The following PARVA variants were observed in gnomAD, a reference collection of about 807,000 sequenced individuals.
PARVA encodes alpha-parvin.
A neutral mutation model predicts 52.6 loss-of-function variants in PARVA; 25 were observed. The ratio of observed to expected loss-of-function variants is 0.48; its 90% CI spans 0.35 to 0.66. PARVA has a LOEUF of 0.66. Ranked by LOEUF, PARVA falls within the 30% of genes least tolerant of loss-of-function variation. PARVA has a pLI of 0.01. For synonymous variants in PARVA, 185 were observed against 179.1 expected (o/e 1.03, Z -0.26); for missense variants, 373 against 450.9 (o/e 0.83, Z 1.56).
At position 12,533,236 on chromosome 11, in the gene PARVA, C is replaced by T. The variant is rs531136050; in HGVS notation, c.*5311C>T. Among the ~76,000 whole-genome samples the T allele has an allele frequency of 6.0e-5, 9 of 151,102 alleles. No individual in the cohort carries two copies. The East Asian group carries it at 1.2e-3, about 19-fold the overall frequency. On this transcript the variant is annotated 3_prime_UTR_variant, in exon 13 of 13. Transcript: ENST00000334956. ...TGTGTGGAGGGAATGAAATAAGGGG[C>T]CTACCAGGCCAGAACGCTGATCCAT...
intron 4 of PARVA, among the ~76,000 whole-genome samples, chr11:12,482,184 A>G (rs1254607243): frequency 1.3e-5 from 2 of 151,720 alleles, no homozygotes; most frequent in Admixed American, 6.6e-5. Flanking sequence ...AAAAAGAAAA[A>G]AAAAGGACAT....
intron 4 of PARVA, among the ~76,000 whole-genome samples, chr11:12,490,339 C>T (rs1187674877): frequency 6.6e-6 from 1 of 151,730 alleles, no homozygotes; most frequent in Non-Finnish European, 1.5e-5. Flanking sequence ...GCCTGATCAA[C>T]ATGGTGAAAC....
intron 3 of PARVA, among the ~76,000 whole-genome samples, chr11:12,474,266 CTTA>C (rs1940974899): frequency 6.6e-6 from 1 of 152,066 alleles, no homozygotes; most frequent in South Asian, 2.1e-4. Context: ...GCACAAAATG[CTTA>C]TTTTCTCAAG....
intron 1 of PARVA, among the ~76,000 whole-genome samples, chr11:12,449,420 G>C (rs1196907817): frequency 6.6e-6 from 1 of 152,096 alleles, no homozygotes; most frequent in Non-Finnish European, 1.5e-5. Flanking sequence ...CCCTCCCTAA[G>C]TGCTGGGATT....
At chr11:12,519,980 C>T (rs1050375066) in intron 12 of PARVA, among the ~76,000 whole-genome samples, 14 of 152,162 alleles carry the variant, frequency 9.2e-5, no homozygotes, top group African/African-American at 3.1e-4. Flanking sequence ...GAGAAAGTTC[C>T]GACCATCATT....
intron 1 of PARVA, among the ~76,000 whole-genome samples, chr11:12,406,543 C>T (rs750071484): frequency 6.6e-5 from 10 of 151,842 alleles, no homozygotes; most frequent in Non-Finnish European, 1.0e-4. Context: ...AACATTTTCC[C>T]GTAACACCAA....
At chr11:12,410,381 T>C (rs1026572520) in intron 1 of PARVA, among the ~76,000 whole-genome samples, 17 of 152,340 alleles carry the variant, frequency 1.1e-4, no homozygotes, top group African/African-American at 4.1e-4. Flanking sequence ...CGGCAGGGAC[T>C]CCGGGCCAGC....
chr11:12,464,182 CAGTA>C (rs1323107233), intron 1 of PARVA, among the ~76,000 whole-genome samples: 1 of 152,074 alleles, frequency 6.6e-6, no homozygotes, highest in African/African-American at 2.4e-5. Context: ...TCAGTTAACA[CAGTA>C]AGGAAATATA....
intron 1 of PARVA, among the ~76,000 whole-genome samples, chr11:12,458,191 T>A (rs140309169): frequency 6.6e-6 from 1 of 152,362 alleles, no homozygotes; most frequent in African/African-American, 2.4e-5. Flanking sequence ...GCTCCAAAAC[T>A]TCAGCCCCGT....
intron 1 of PARVA, among the ~76,000 whole-genome samples, chr11:12,450,161 A>T (rs1445562305): frequency 6.6e-6 from 1 of 152,242 alleles, no homozygotes; most frequent in African/African-American, 2.4e-5. Flanking sequence ...TAACAGCTGA[A>T]GCTACACATT....
At position 12,498,117 on chromosome 11, in the gene PARVA, T is replaced by C. The variant is rs181287143; in HGVS notation, c.541+1519T>C. On this transcript the variant is annotated intron_variant, in intron 5 of 12. Coordinates refer to ENST00000334956, the MANE Select transcript of PARVA (RefSeq NM_018222.5). ...GGTGCAATCTCAGCTCACTGCAACC[T>C]ACGCCTCCCAGGTTCAAGCGATTCT... 5.3e-3 allele frequency among the ~76,000 whole-genome samples: 804 copies of C among 152,262 alleles called. 11 individuals carry two copies. Among genetic ancestry groups the C allele is most frequent in the African/African-American group, 0.019 (775 of 41,542 alleles).
rs117140098 is a variant in PARVA, at chr11:12,496,340, T to A, written c.401-118T>A. 2,096 of 394,050 alleles carry A rather than the reference T, an allele frequency of 5.3e-3. 21 individuals carry two copies. The highest frequency in any genetic ancestry group is 0.018 in the African/African-American group (810 of 44,714). The allele number at this position is 394,050 out of a possible 1,614,324, so 24.4% of individuals were successfully genotyped here. On this transcript the variant is annotated intron_variant, in intron 4 of 12. Transcript: ENST00000334956. Reference sequence around the variant, plus strand: ...GCTGGTAGGCATCCAGTATCTATTGTTGCAAGAGTGCATGCATGCATGAGT... The same window carrying A: ...GCTGGTAGGCATCCAGTATCTATTGATGCAAGAGTGCATGCATGCATGAGT...
chr11:12,387,554 C>CGTGTGTGT (rs10642760), intron 1 of PARVA, among the ~76,000 whole-genome samples: 1 of 149,128 alleles, frequency 6.7e-6, no homozygotes, highest in African/African-American at 2.5e-5. Context: ...TATTTTTGAG[C>CGTGTGTGT]GTGTGTGTGT....
intron 1 of PARVA, among the ~76,000 whole-genome samples, chr11:12,417,330 A>G (rs1940081083): frequency 1.3e-5 from 2 of 152,322 alleles, no homozygotes; most frequent in South Asian, 4.1e-4. Context: ...AAATACTGTA[A>G]CATTAAAAAT....
At chr11:12,376,808 C>T (rs1939395862), upstream of PARVA, 1 of 717,652 alleles carries the variant, frequency 1.4e-6, no homozygotes, top group Admixed American at 6.3e-5. Flanking sequence ...GTATGACTCC[C>T]CTGTTATCTC....
At chr11:12,398,976 G>A (rs572840418) in intron 1 of PARVA, among the ~76,000 whole-genome samples, 104 of 152,014 alleles carry the variant, frequency 6.8e-4, no homozygotes, top group African/African-American at 2.5e-3. Context: ...AACCCTATAC[G>A]TAACTATGAG....
At chr11:12,401,410 T>G (rs1460658171) in intron 1 of PARVA, among the ~76,000 whole-genome samples, 1 of 152,218 alleles carries the variant, frequency 6.6e-6, no homozygotes, top group Non-Finnish European at 1.5e-5. Flanking sequence ...AAGGTGGGAT[T>G]TAATATGCAG....
At chr11:12,434,443 G>A (rs1030868099) in intron 1 of PARVA, among the ~76,000 whole-genome samples, 1 of 152,116 alleles carries the variant, frequency 6.6e-6, no homozygotes, top group African/African-American at 2.4e-5. Flanking sequence ...TCTCTTTCCC[G>A]GGTGAGTTTA....
intron 1 of PARVA, among the ~76,000 whole-genome samples, chr11:12,424,265 T>C (rs908298020): frequency 2.0e-5 from 3 of 152,188 alleles, no homozygotes; most frequent in Non-Finnish European, 4.4e-5. Context: ...TAATCTTGCT[T>C]TTTCTATTTA....
Sources: gnomAD v4.1 joint callset for allele counts (sites outside exome capture counted in the v4.1 genomes callset) on GRCh38, gnomAD v4.1.1 for gene constraint, MANE v1.5 for transcripts, NCBI Gene and HGNC (gene_info 2026-07-23, HGNC 2026-07-21) for gene names.